PAX9: variants seen among roughly 807,000 people sequenced by gnomAD.
PAX9 encodes paired box 9, also known as paired box protein Pax-9.
In PAX9, 6 loss-of-function variants were observed where a neutral mutation model predicts 29.1. The observed-to-expected ratio is 0.21, with a 90% confidence interval of 0.11 to 0.41. PAX9 has a LOEUF of 0.41. PAX9 is among the 10% of genes least tolerant of loss of function. PAX9 has a pLI of 1.00. For missense variants in PAX9, 443 were observed against 479.1 expected (o/e 0.92, Z 0.70); for synonymous variants, 217 against 211.7 (o/e 1.03, Z -0.22).
At chr14:36,660,316 G>T (rs1427153608), upstream of PAX9, among the ~76,000 whole-genome samples, 4 of 152,212 alleles carry the variant, frequency 2.6e-5, no homozygotes, top group Admixed American at 6.5e-5. Flanking sequence ...CAAACTTCAA[G>T]AAGATTTTAA....
chr14:36,674,314 C>T (rs1881804172), intron 3 of PAX9, among the ~76,000 whole-genome samples: 1 of 152,196 alleles, frequency 6.6e-6, no homozygotes, highest in African/African-American at 2.4e-5. Context: ...AATTAAATTG[C>T]ATCTATCTTT....
At chr14:36,670,677 G>C (rs147966014) in intron 3 of PAX9, among the ~76,000 whole-genome samples, 213 of 151,976 alleles carry the variant, frequency 1.4e-3, no homozygotes, top group African/African-American at 5.0e-3. Context: ...CTTTGACCTG[G>C]TTACATTTTA....
intron 3 of PAX9, 32 bp downstream of exon 3, chr14:36,666,633 G>T: frequency 1.3e-6 from 2 of 1,553,836 alleles, no homozygotes; most frequent in Non-Finnish European, 1.7e-6. Context: ...CAGGTGGGCC[G>T]CGTGGCGGCG....
chr14:36,662,760 G>A, intron 1 of PAX9, 137 bp from the exon 2 acceptor site: 1 of 1,029,704 alleles, frequency 9.7e-7, no homozygotes, highest in Admixed American at 2.2e-5. Flanking sequence ...GGGACCATAT[G>A]GTTTGGGGAC....
chr14:36,678,724 T>C lies in PAX9; in HGVS notation c.*2272T>C. On this transcript the variant is annotated 3_prime_UTR_variant, in exon 4 of 4. Transcript: ENST00000361487. ...TTCTTTATCTAAATTAAGAAATCTC[T>C]TGTTATTGTGCTATTTATAATTTTT... is the stretch of plus-strand genomic sequence containing the variant. The C allele has an allele frequency of 3.3e-6, 4 of 1,198,986 alleles. No homozygotes were observed. Among genetic ancestry groups the C allele is most frequent in the Non-Finnish European group, 4.2e-6 (4 of 961,848 alleles). The allele number at this position is 1,198,986 out of a possible 1,614,324, so 74.3% of individuals were successfully genotyped here. A position where few individuals can be genotyped will look rare whatever the true frequency, so the allele number is the denominator to read the frequency against.
upstream of PAX9, among the ~76,000 whole-genome samples, chr14:36,659,581 C>T (rs1418821437): frequency 6.6e-6 from 1 of 152,252 alleles, no homozygotes; most frequent in East Asian, 1.9e-4. Context: ...CCAGTACCTG[C>T]AACCGCCGGC....
intron 2 of PAX9, among the ~76,000 whole-genome samples, chr14:36,665,644 A>G (rs1267513069): frequency 6.6e-6 from 1 of 152,122 alleles, no homozygotes; most frequent in Non-Finnish European, 1.5e-5. Flanking sequence ...AACTGATGGC[A>G]TTACACCTTA....
intron 1 of PAX9, 162 bp from the exon 2 acceptor site, chr14:36,662,735 G>C (rs924190556): frequency 9.7e-6 from 8 of 820,996 alleles, no homozygotes; most frequent in Middle Eastern, 3.7e-4. Flanking sequence ...GTTTGGGGCC[G>C]TTCGGCTATG....
Position 36,663,421 on chromosome 14 carries a change from C to G in PAX9, c.529C>G (p.Pro177Ala). The stretch of plus-strand genomic sequence containing the variant: ...GGCGGCCGCCAAGGTGCCCACGCCA[C>G]CCGGGGTGCCTGCCATCCCCGGTTC... ...TAAAAKVPTP[P>A]GVPAIPGSVA... The change falls in exon 2 of 4, where the codon CCC (proline) becomes GCC (alanine). Residue 177 changes from proline (P) to alanine (A), a missense_variant. Pro to Ala is a conservative substitution (Grantham distance 27). Coordinates refer to ENST00000361487, the MANE Select transcript of PAX9 (RefSeq NM_001372076.1). The G allele has an allele frequency of 6.2e-7, 1 of 1,613,030 alleles. No homozygotes were observed. The highest frequency in any genetic ancestry group is 1.1e-5 in the South Asian group (1 of 91,052).
At chr14:36,666,292 C>CT (rs1881484327) in intron 2 of PAX9, 170 bp from the exon 3 acceptor site, 1 of 754,636 alleles carries the variant, frequency 1.3e-6, no homozygotes, top group African/African-American at 1.8e-5. Flanking sequence ...AGGCCCTGGG[C>CT]TGGAAGCACA....
chr14:36,675,135 A>G (rs1881835696), intron 3 of PAX9, among the ~76,000 whole-genome samples: 1 of 152,202 alleles, frequency 6.6e-6, no homozygotes, highest in Admixed American at 6.5e-5. Flanking sequence ...TTTCACTAGG[A>G]AATATATTGA....
At chr14:36,668,634 A>C (rs1463694587) in intron 3 of PAX9, among the ~76,000 whole-genome samples, 1 of 151,870 alleles carries the variant, frequency 6.6e-6, no homozygotes, top group Non-Finnish European at 1.5e-5. Flanking sequence ...TGATCCACCC[A>C]CCTCGGCCTC....
At chr14:36,663,631 G>GA in intron 2 of PAX9, 108 bp downstream of exon 2, 4 of 1,426,980 alleles carry the variant, frequency 2.8e-6, no homozygotes, top group Admixed American at 1.9e-5. Context: ...CACCACCTGA[G>GA]GCTTTTTCCT....
rs3061562 is a variant in PAX9 at position 36,672,852 on chromosome 14, C to CTTTTTTTTTTTTTTTTTTTTT, written c.772-3336_772-3316dup. On this transcript the variant is annotated intron_variant, in intron 3 of 3. Transcript: ENST00000361487. The stretch of plus-strand genomic sequence containing the variant: ...TTCTTTTTTCTTTCTTTCTTTCTTC[C>CTTTTTTTTTTTTTTTTTTTTT]TTTTTTTTTTTTTTTTTTTTTTTTT... 2.9e-3 allele frequency among the ~76,000 whole-genome samples: 56 copies of CTTTTTTTTTTTTTTTTTTTTT among 19,158 alleles called. 25 individuals carry two copies. Among genetic ancestry groups the CTTTTTTTTTTTTTTTTTTTTT allele is most frequent in the East Asian group, 4.9e-3 (2 of 408 alleles). 12.6% of individuals were successfully genotyped at this position (19,158 alleles called of 152,430 possible).
chr14:36,662,124 C>A (rs1291577570), intron 1 of PAX9, 31 bp downstream of exon 1: 2 of 552,344 alleles, frequency 3.6e-6, no homozygotes, highest in East Asian at 1.9e-4. Context: ...CTGTCAGAGC[C>A]GGGAAGGGAG....
rs1882057102 is a variant in PAX9, at chr14:36,679,089, G to A, written c.*2637G>A. 1 of 985,246 alleles carries A rather than the reference G, an allele frequency of 1.0e-6. No homozygotes were observed. Among genetic ancestry groups the A allele is most frequent in the Non-Finnish European group, 1.2e-6 (1 of 829,934 alleles). The allele number at this position is 985,246 out of a possible 1,614,324, so 61.0% of individuals were successfully genotyped here. ...GGAGAGGTTAAAGGTTCAATTTCAT[G>A]ACCTCTATGCAGGCAGCGCTCTCAT... On this transcript the variant is annotated 3_prime_UTR_variant, in exon 4 of 4. Transcript: ENST00000361487.
At chr14:36,662,510 C>CG (rs973345833) in intron 1 of PAX9, 11 of 386,508 alleles carry the variant, frequency 2.8e-5, no homozygotes, top group Admixed American at 8.4e-5. Flanking sequence ...CCAGAAGGAA[C>CG]GCTGGGGATG....
In PAX9 at chr14:36,678,292, T is replaced by C; in HGVS notation, c.*1840T>C. 1.7e-6 allele frequency: 1 copy of C among 573,516 alleles called. No homozygotes were observed. Among genetic ancestry groups the C allele is most frequent in the Non-Finnish European group, 3.1e-6 (1 of 322,624 alleles). 35.5% of individuals were successfully genotyped at this position (573,516 alleles called of 1,614,324 possible). ...GACACACAAATTATGTTAGAGTGAC[T>C]GCTTTTTTCAGACAGCAGATATCTT... On this transcript the variant is annotated 3_prime_UTR_variant, in exon 4 of 4. Coordinates refer to ENST00000361487, the MANE Select transcript of PAX9 (RefSeq NM_001372076.1).
At position 36,678,006 on chromosome 14, in the gene PAX9, G is replaced by T. The variant is rs1881982956; in HGVS notation, c.*1554G>T. On this transcript the variant is annotated 3_prime_UTR_variant, in exon 4 of 4. Transcript: ENST00000361487. ...TTAAAAATATGTTTTTAGGACATTG[G>T]TACAATTCAGCTGTTGGAAAATTAA... 6.5e-6 allele frequency: 1 copy of T among 153,806 alleles called. No homozygotes were observed. The highest frequency in any genetic ancestry group is 2.4e-5 in the African/African-American group (1 of 41,494). 9.5% of individuals were successfully genotyped at this position (153,806 alleles called of 1,614,324 possible). A position where few individuals can be genotyped will look rare whatever the true frequency, so the allele number is the denominator to read the frequency against.
Sources: allele counts gnomAD v4.1 joint callset (sites outside exome capture counted in the v4.1 genomes callset), GRCh38; gene constraint gnomAD v4.1.1; transcripts MANE v1.5; gene names NCBI Gene and HGNC (gene_info 2026-07-23, HGNC 2026-07-21).